Variants in SLC4A11 observed in about 807,000 individuals in gnomAD.
The protein encoded by SLC4A11 is bicarbonate transporter related protein 1.
Under a neutral mutation model 95.0 loss-of-function variants are expected in SLC4A11, and 74 were observed. The observed-to-expected ratio is 0.78, with a 90% confidence interval of 0.65 to 0.95. The LOEUF (loss-of-function observed/expected upper bound fraction) is 0.95, where lower values mean the gene tolerates loss of function less well. SLC4A11 is among the 40% of genes least tolerant of loss of function. SLC4A11 has a pLI of 0.00. For missense variants in SLC4A11, 1,081 were observed against 1,192.4 expected (o/e 0.91, Z 1.38); for synonymous variants, 548 against 519.0 (o/e 1.06, Z -0.76).
At chr20:3,230,882 C>T in intron 10 of SLC4A11, 37 bp from the exon 11 acceptor site, 1 of 1,613,072 alleles carries the variant, frequency 6.2e-7, no homozygotes. Flanking sequence ...CGCCGCAGCC[C>T]AGGGCCCAGC....
intron 1 of SLC4A11, 92 bp from the exon 2 acceptor site, chr20:3,237,680 T>G: frequency 6.2e-7 from 1 of 1,613,800 alleles, no homozygotes; most frequent in Non-Finnish European, 8.5e-7. Context: ...CCTGGCTCAT[T>G]CCTTCGCTCT....
rs1243467763 is a variant in SLC4A11, at chr20:3,231,087, T to TA, written c.1043-30_1043-29insT. The TA allele has an allele frequency of 6.2e-7, 1 of 1,614,012 alleles. No homozygotes were observed. Among genetic ancestry groups the TA allele is most frequent in the Admixed American group, 1.7e-5 (1 of 60,026 alleles). ...GGAATGGGGGATGGGAGAGAGGGTT[T>TA]GCTGGGGATGCAGGACAGGCACACG... On this transcript the variant is annotated intron_variant, in intron 9 of 19. Coordinates refer to ENST00000642402, the MANE Select transcript of SLC4A11 (RefSeq NM_001174089.2). This position sits in a 1 kb window ranked among gnomAD's most constrained non-coding sequence, Gnocchi z 5.2.
At position 3,230,517 on chromosome 20, in the gene SLC4A11, C is replaced by T. The variant is rs1568533195; in HGVS notation, c.1413G>A (p.Lys471=). ...FNLSLVMSLF[K]RSTEEIIALF... ...CAGCTCACGGAAGGGCCAGTCACCT[C>T]TTGAAGAGACTCATGACCAGGCTGA... Residue 471 remains lysine (K), a splice_region_variant and synonymous_variant, in exon 12 of 20, where the codon AAG becomes AAA. Coordinates refer to ENST00000642402, the MANE Select transcript of SLC4A11 (RefSeq NM_001174089.2). 1 of 1,613,840 alleles carries T rather than the reference C, an allele frequency of 6.2e-7. No individual in the cohort carries two copies.
At position 3,233,938 on chromosome 20, in the gene SLC4A11, C is replaced by T; in HGVS notation, c.588G>A (p.Gln196=). The part of the protein sequence containing the change: ...TATVTGVRYQ[Q]SWLCIICTMK... ...CAACTCACATGATGCAGAGCCACGA[C>T]TGCTGGTACCGCACCCCTGTCACTG... The change falls in exon 6 of 20, where the codon CAG becomes CAA. Residue 196 remains glutamine, a synonymous_variant. Transcript: ENST00000642402. 6.2e-7 allele frequency: 1 copy of T among 1,613,432 alleles called. No homozygotes were observed. Among genetic ancestry groups the T allele is most frequent in the South Asian group, 1.1e-5 (1 of 91,056 alleles).
At chr20:3,233,723 CT>C (rs1166346347) in intron 6 of SLC4A11, 86 bp from the exon 7 acceptor site, 19 of 1,587,520 alleles carry the variant, frequency 1.2e-5, no homozygotes, top group Non-Finnish European at 1.6e-5. Context: ...ACCTTGACCC[CT>C]GGCGACCTCT....
chr20:3,227,478 C>G lies in SLC4A11; in HGVS notation c.*309G>C. On this transcript the variant is annotated 3_prime_UTR_variant, in exon 20 of 20. Transcript: ENST00000642402. ...GCGTCCAGCAAGTTCCTTACACAAT[C>G]AAGGAAATGGTTTCTCTTTCAGGCA... 1 of 428,376 alleles carries G rather than the reference C, an allele frequency of 2.3e-6. No individual in the cohort carries two copies. The highest frequency in any genetic ancestry group is 4.5e-5 in the East Asian group (1 of 22,202). The allele number at this position is 428,376 out of a possible 1,614,324, so 26.5% of individuals were successfully genotyped here.
rs774488224 is a variant in SLC4A11 at position 3,228,885 on chromosome 20, G to A, written c.2145C>T (p.Ala715=). 1.2e-6 allele frequency: 2 copies of A among 1,613,926 alleles called. No individual in the cohort carries two copies. The highest frequency in any genetic ancestry group is 1.1e-5 in the South Asian group (1 of 91,090). ...AYPHSPLHVR[A]LALVEERVEN... is the part of the protein sequence containing the mutation. ...CCACACGCTCCTCCACTAAGGCCAGGGCTCGCACGTGCAGCGGGGAGTGGG... is the reference window on the plus strand; with the variant it reads ...CCACACGCTCCTCCACTAAGGCCAGAGCTCGCACGTGCAGCGGGGAGTGGG... The change falls in exon 17 of 20, where the codon GCC becomes GCT. Residue 715 remains alanine (A), a synonymous_variant. Coordinates refer to ENST00000642402, the MANE Select transcript of SLC4A11 (RefSeq NM_001174089.2).
At chr20:3,236,068 G>A (rs2067972194) in intron 2 of SLC4A11, among the ~76,000 whole-genome samples, 1 of 152,116 alleles carries the variant, frequency 6.6e-6, no homozygotes, top group African/African-American at 2.4e-5. Flanking sequence ...AGACACCTGT[G>A]CAGAAACAAG....
At chr20:3,237,944 G>A (rs1372743418) in intron 1 of SLC4A11, 1 of 1,550,510 alleles carries the variant, frequency 6.4e-7, no homozygotes, top group Non-Finnish European at 8.7e-7. Flanking sequence ...GCTGCAGCGA[G>A]AGGAAGGGAC....
rs1253542026 is a variant in SLC4A11 at position 3,233,600 on chromosome 20, T to A, written c.643A>T (p.Ile215Phe). 1 of 1,613,560 alleles carries A rather than the reference T, an allele frequency of 6.2e-7. No homozygotes were observed. The highest frequency in any genetic ancestry group is 1.1e-5 in the South Asian group (1 of 91,088). The change falls in exon 7 of 20, where the codon ATC becomes TTC. Residue 215 changes from isoleucine to phenylalanine, a missense_variant. Ile to Phe is a conservative substitution (Grantham distance 21). Coordinates refer to ENST00000642402, the MANE Select transcript of SLC4A11 (RefSeq NM_001174089.2). ...TTCTGTGGGCGAACCAGGCGGCTGATGCACACGTGCCGCTTCTGTAGGGCC... is the reference window on the plus strand; with the variant it reads ...TTCTGTGGGCGAACCAGGCGGCTGAAGCACACGTGCCGCTTCTGTAGGGCC... ...MKALQKRHVC[I>F]SRLVRPQNWG...
chr20:3,230,952 C>T lies in SLC4A11; in HGVS notation c.1149G>A (p.Glu383=), dbSNP rs2122549225. 1 of 1,581,502 alleles carries T rather than the reference C, an allele frequency of 6.3e-7. No homozygotes were observed. Among genetic ancestry groups the T allele is most frequent in the Non-Finnish European group, 8.6e-7 (1 of 1,160,948 alleles). Residue 383 remains glutamate, a synonymous_variant, in exon 10 of 20, where the codon GAG becomes GAA. Transcript: ENST00000642402. The part of the protein sequence containing the change: ...PTIAFGSLND[E]NTDGAIDVQK... ...CCTCACCGATGGCCCCGTCTGTGTT[C>T]TCGTCATTGAGAGACCCGAAAGCGA...
At position 3,229,233 on chromosome 20, in the gene SLC4A11, C is replaced by A. The variant is rs761884464; in HGVS notation, c.1880G>T (p.Ser627Ile). 7.4e-6 allele frequency: 12 copies of A among 1,612,988 alleles called. No individual in the cohort carries two copies. The highest frequency in any genetic ancestry group is 1.0e-5 in the Non-Finnish European group (12 of 1,180,020). Residue 627 changes from serine to isoleucine, a missense_variant, in exon 16 of 20, where the codon AGC becomes ATC. Coordinates refer to ENST00000642402, the MANE Select transcript of SLC4A11 (RefSeq NM_001174089.2). ...MSKFRYNPSESPFAMAQIQSL... is the reference protein window; with the variant it reads ...MSKFRYNPSEIPFAMAQIQSL... ...CTGGATCTGCGCCATCGCAAAGGGG[C>A]TCTCGCTGGGGTTGTAGCGGAACTT...
chr20:3,228,662 G>A lies in SLC4A11; in HGVS notation c.2238C>T (p.Ser746=), dbSNP rs377076488. The A allele has an allele frequency of 6.4e-5, 103 of 1,612,978 alleles. No homozygotes were observed. In the African/African-American group the frequency reaches 1.1e-3, roughly 17 times the overall value. ...GCAACAGGGACAGGCCCACCAGGAC[G>A]CTGGCGCCCAGCGAGGTCAGCCGCG... is the stretch of plus-strand genomic sequence containing the variant. ...KETRLTSLGA[S]VLVGLSLLLL... is the part of the protein sequence containing the mutation. Residue 746 remains serine, a synonymous_variant, in exon 18 of 20, where the codon AGC becomes AGT. Coordinates refer to ENST00000642402, the MANE Select transcript of SLC4A11 (RefSeq NM_001174089.2).
intron 1 of SLC4A11, 199 bp downstream of exon 1, chr20:3,238,896 G>A: frequency 8.0e-7 from 1 of 1,252,258 alleles, no homozygotes; most frequent in Non-Finnish European, 1.0e-6. Flanking sequence ...AACCAAGCGC[G>A]CGGTGGCCGC....
At position 3,238,877 on chromosome 20, in the gene SLC4A11, C is replaced by A. The variant is rs949572286; in HGVS notation, c.43+218G>T. On this transcript the variant is annotated intron_variant, in intron 1 of 19. Transcript: ENST00000642402. ...GAAATTCAAGACGGCGACAGCAGAG[C>A]CCTAATGAAACCAAGCGCGCGGTGG... 1.0e-5 allele frequency: 13 copies of A among 1,248,780 alleles called. No homozygotes were observed. In the African/African-American group the frequency reaches 1.9e-4, roughly 18 times the overall value. The allele number at this position is 1,248,780 out of a possible 1,614,324, so 77.4% of individuals were successfully genotyped here.
At position 3,233,977 on chromosome 20, in the gene SLC4A11, T is replaced by C. The variant is rs1600596247; in HGVS notation, c.549A>G (p.Gln183=). The change falls in exon 6 of 20, where the codon CAA becomes CAG. Residue 183 remains glutamine, a synonymous_variant. Transcript: ENST00000642402. ...GKVHLLSDTI[Q]GVTATVTGVR... ...CCCCTGTCACTGTGGCGGTGACCCC[T>C]TGGATGGTATCTGACAGCAGGTGGA... is the stretch of plus-strand genomic sequence containing the variant. 6.2e-7 allele frequency: 1 copy of C among 1,613,942 alleles called. No individual in the cohort carries two copies. The highest frequency in any genetic ancestry group is 8.5e-7 in the Non-Finnish European group (1 of 1,180,026).
intron 11 of SLC4A11, 31 bp downstream of exon 11, chr20:3,230,701 G>A (rs112782497): frequency 6.2e-7 from 1 of 1,612,846 alleles, no homozygotes; most frequent in Non-Finnish European, 8.5e-7. Flanking sequence ...GGGGTCTCAG[G>A]CACCATCTCC....
chr20:3,230,116 C>G, intron 13 of SLC4A11, 71 bp downstream of exon 13: 1 of 1,550,824 alleles, frequency 6.4e-7, no homozygotes, highest in Non-Finnish European at 8.9e-7. Context: ...GTGCCCCCAG[C>G]CAGGGGCAGT....
In SLC4A11 at chr20:3,230,728, G is replaced by A; in HGVS notation, c.1282+4C>T. 2.5e-6 allele frequency: 4 copies of A among 1,613,152 alleles called. No individual in the cohort carries two copies. Among genetic ancestry groups the A allele is most frequent in the Non-Finnish European group, 3.4e-6 (4 of 1,180,020 alleles). ...ACCATCTCCCGCCTCAGCCCCCACT[G>A]CACCCTGGATGTAGAGCGCCAGGGG... On this transcript the variant is annotated splice_donor_region_variant and intron_variant, in intron 11 of 19. Transcript: ENST00000642402.
Sources: allele counts gnomAD v4.1 joint callset (sites outside exome capture counted in the v4.1 genomes callset), GRCh38; gene constraint gnomAD v4.1.1; non-coding constraint Gnocchi (gnomAD v3.1); transcripts MANE v1.5; gene names NCBI Gene and HGNC (gene_info 2026-07-23, HGNC 2026-07-21).